Variants in SHANK2 observed in about 807,000 individuals in gnomAD.
SHANK2 encodes SH3 and multiple ankyrin repeat domains protein 2.
In SHANK2, 43 loss-of-function variants were observed where a neutral mutation model predicts 133.7. The observed-to-expected ratio is 0.32, with a 90% CI of 0.25 to 0.41. The LOEUF is 0.41. Ranked by LOEUF, SHANK2 falls within the 10% of genes least tolerant of loss-of-function variation. SHANK2 has a pLI of 1.00. For synonymous variants in SHANK2, 1,017 were observed against 952.8 expected (o/e 1.07, Z -1.24); for missense variants, 1,994 against 2,235.8 (o/e 0.89, Z 2.18).
chr11:70,470,827 A>G lies in SHANK2; in HGVS notation c.*2042T>C, dbSNP rs2058589691. 6.5e-6 allele frequency: 1 copy of G among 153,740 alleles called. No homozygotes were observed. Among genetic ancestry groups the G allele is most frequent in the Non-Finnish European group, 1.4e-5 (1 of 69,096 alleles). 9.5% of individuals were successfully genotyped at this position (153,740 alleles called of 1,614,324 possible). ...GAAGGTCCAAAAACTTGGTTCCAAC[A>G]TCAGGGGTGTGTGACTGGAAAAGCG... On this transcript the variant is annotated 3_prime_UTR_variant, in exon 26 of 26. Coordinates refer to ENST00000601538, the MANE Select transcript of SHANK2 (RefSeq NM_012309.5).
chr11:71,217,943 T>G (rs1467854716), intron 2 of SHANK2, among the ~76,000 whole-genome samples: 1 of 152,088 alleles, frequency 6.6e-6, no homozygotes, highest in East Asian at 1.9e-4. Context: ...CTCTGCCTCC[T>G]GGGTTCACAC....
At chr11:70,679,827 C>A (rs894174055) in intron 15 of SHANK2, among the ~76,000 whole-genome samples, 1 of 152,226 alleles carries the variant, frequency 6.6e-6, no homozygotes, top group African/African-American at 2.4e-5. Flanking sequence ...AGAACCGGTG[C>A]CCCTCCCTCG....
At chr11:70,707,155 T>C (rs1457945665) in intron 14 of SHANK2, among the ~76,000 whole-genome samples, 1 of 151,970 alleles carries the variant, frequency 6.6e-6, no homozygotes, top group African/African-American at 2.4e-5. Flanking sequence ...GTGGATCACC[T>C]GAGATCAGGA....
At chr11:70,545,801 C>T (rs1044247775) in intron 17 of SHANK2, among the ~76,000 whole-genome samples, 2 of 152,232 alleles carry the variant, frequency 1.3e-5, no homozygotes, top group Non-Finnish European at 2.9e-5. Flanking sequence ...GCCCCAGCCT[C>T]GGAGGCCAGT....
At chr11:70,902,244 G>GTA (rs1950033461) in intron 10 of SHANK2, among the ~76,000 whole-genome samples, 1 of 152,202 alleles carries the variant, frequency 6.6e-6, no homozygotes, top group Non-Finnish European at 1.5e-5. Context: ...TCTCACTTCC[G>GTA]TATCTGCTGG....
intron 2 of SHANK2, among the ~76,000 whole-genome samples, chr11:71,184,641 T>C (rs554195283): frequency 6.6e-6 from 1 of 152,330 alleles, no homozygotes; most frequent in South Asian, 2.1e-4. Context: ...TGAACTTGGT[T>C]ATGTTTTTAC....
intron 17 of SHANK2, among the ~76,000 whole-genome samples, chr11:70,596,612 G>A (rs2060404899): frequency 6.6e-6 from 1 of 152,220 alleles, no homozygotes; most frequent in Non-Finnish European, 1.5e-5. Flanking sequence ...GCCCAGCAGG[G>A]CAACTGCCAG....
At chr11:70,914,884 C>T (rs749386393) in intron 10 of SHANK2, among the ~76,000 whole-genome samples, 10 of 132,284 alleles carry the variant, frequency 7.6e-5, no homozygotes, top group African/African-American at 1.4e-4. Flanking sequence ...GTTGACAAAG[C>T]GAGACTCTGT....
chr11:70,502,730 T>TGGGGGGGGGGGGGGGGGGGGGGG, intron 18 of SHANK2, 66 bp downstream of exon 18: 2 of 772,454 alleles, frequency 2.6e-6, no homozygotes, highest in Admixed American at 2.7e-5. Flanking sequence ...CCAGCTGTCC[T>TGGGGGGGGGGGGGGGGGGGGGGG]GCCCGCCCCC....
intron 14 of SHANK2, among the ~76,000 whole-genome samples, chr11:70,754,313 A>G (rs187453529): frequency 4.1e-4 from 63 of 152,340 alleles, no homozygotes; most frequent in African/African-American, 1.4e-3. Context: ...ACAGCATAAG[A>G]CATCAATACA....
chr11:70,805,069 C>T (rs1948130697), intron 13 of SHANK2, among the ~76,000 whole-genome samples: 1 of 152,210 alleles, frequency 6.6e-6, no homozygotes, highest in Non-Finnish European at 1.5e-5. Flanking sequence ...AGTGAGTCCA[C>T]AGATGCCCAG....
At chr11:70,818,444 C>G (rs1488897688) in intron 12 of SHANK2, among the ~76,000 whole-genome samples, 1 of 152,240 alleles carries the variant, frequency 6.6e-6, no homozygotes, top group East Asian at 1.9e-4. Context: ...CCACATCTAG[C>G]ACATCTAGTC....
chr11:71,196,997 CA>C (rs71467429), intron 2 of SHANK2, among the ~76,000 whole-genome samples: 31,342 of 81,934 alleles, frequency 0.38, 2,803 homozygotes, highest in East Asian at 0.55. Context: ...GACTCTGTCT[CA>C]AAAAAAAAAA....
At position 70,535,675 on chromosome 11, in the gene SHANK2, G is replaced by A. The variant is rs114986744; in HGVS notation, c.2062-32744C>T. Among the ~76,000 whole-genome samples the A allele has an allele frequency of 7.5e-3, 1,143 of 152,370 alleles. 18 individuals are homozygous for A. The highest frequency in any genetic ancestry group is 0.026 in the African/African-American group (1,096 of 41,592). ...AATAACTCCTGGCCCCGCCTTTAAG[G>A]GCTGCACAGTTGGGCAGGAGGATGG... On this transcript the variant is annotated intron_variant, in intron 17 of 25. Transcript: ENST00000601538. The surrounding 1 kb of genome is among the most constrained non-coding windows in gnomAD (Gnocchi z 4.3).
intron 17 of SHANK2, among the ~76,000 whole-genome samples, chr11:70,658,641 T>C (rs2061441826): frequency 6.6e-6 from 1 of 152,220 alleles, no homozygotes; most frequent in African/African-American, 2.4e-5. Context: ...CCCTTCTGAC[T>C]TTCCATTGCC....
At chr11:71,199,424 C>CCT (rs1680698036) in intron 2 of SHANK2, among the ~76,000 whole-genome samples, 1 of 152,202 alleles carries the variant, frequency 6.6e-6, no homozygotes, top group South Asian at 2.1e-4. Context: ...ATGTGACCTG[C>CCT]CGTAGAGGCA....
chr11:71,189,313 C>T (rs1417547074), intron 2 of SHANK2, among the ~76,000 whole-genome samples: 1 of 152,202 alleles, frequency 6.6e-6, no homozygotes, highest in African/African-American at 2.4e-5. Flanking sequence ...TCGCTGGTGA[C>T]CAATCAGTGC....
At chr11:71,182,775 G>A (rs1383872853) in intron 2 of SHANK2, among the ~76,000 whole-genome samples, 1 of 152,192 alleles carries the variant, frequency 6.6e-6, no homozygotes, top group African/African-American at 2.4e-5. Context: ...AACCCATAAT[G>A]GAAGATATGG....
intron 2 of SHANK2, among the ~76,000 whole-genome samples, chr11:71,147,858 A>G (rs1235843589): frequency 1.3e-5 from 2 of 152,192 alleles, no homozygotes; most frequent in East Asian, 3.9e-4. Context: ...GGTACCGTGT[A>G]AAAACAGAAC....
Sources: gnomAD v4.1 joint callset for allele counts (sites outside exome capture counted in the v4.1 genomes callset) on GRCh38, gnomAD v4.1.1 for gene constraint, Gnocchi (gnomAD v3.1) non-coding constraint, MANE v1.5 for transcripts, NCBI Gene and HGNC (gene_info 2026-07-23, HGNC 2026-07-21) for gene names.